NR3C1: variants seen among roughly 807,000 people sequenced by gnomAD.
NR3C1 encodes nuclear receptor subfamily 3 group C member 1, also known as glucocorticoid receptor.
Under a neutral mutation model 74.0 loss-of-function variants are expected in NR3C1, and 14 were observed. That is an observed-to-expected ratio of 0.19 (90% CI 0.12 to 0.30). NR3C1 has a LOEUF of 0.30. NR3C1 is among the 10% of genes least tolerant of loss of function. The probability of loss-of-function intolerance (pLI) is 1.00; values close to 1 mark genes in which losing one functional copy is unlikely to be tolerated. For missense variants in NR3C1, 695 were observed against 909.8 expected (o/e 0.76, Z 3.04); for synonymous variants, 308 against 332.5 (o/e 0.93, Z 0.80).
intron 2 of NR3C1, among the ~76,000 whole-genome samples, chr5:143,393,850 T>C (rs1262534293): frequency 6.6e-6 from 1 of 152,068 alleles, no homozygotes; most frequent in Non-Finnish European, 1.5e-5. Context: ...AGTTATGAAA[T>C]CAACTAGAAT....
chr5:143,356,316 T>C (rs1600224794), intron 2 of NR3C1, among the ~76,000 whole-genome samples: 1 of 152,130 alleles, frequency 6.6e-6, no homozygotes, highest in African/African-American at 2.4e-5. Flanking sequence ...AAATAACCAA[T>C]TTTTAGCATA....
chr5:143,377,159 C>A (rs1835355902), intron 2 of NR3C1, among the ~76,000 whole-genome samples: 1 of 152,178 alleles, frequency 6.6e-6, no homozygotes. Context: ...TGTAACCTTT[C>A]CCTAATGAAG....
chr5:143,328,977 C>T (rs1825276391), intron 2 of NR3C1, among the ~76,000 whole-genome samples: 1 of 152,196 alleles, frequency 6.6e-6, no homozygotes, highest in South Asian at 2.1e-4. Flanking sequence ...CTGCCTGTTA[C>T]CCAGTTCCAA....
Position 143,300,500 on chromosome 5 carries a change from C to T in NR3C1, c.1732G>A (p.Ala578Thr). The change falls in exon 5 of 9, where the codon GCA becomes ACA. Residue 578 changes from alanine to threonine, a missense_variant. Physicochemically the swap from Ala to Thr is moderately conservative, Grantham distance 58. Around this residue, in one of 4 missense-constraint regions of NR3C1, gnomAD observed 133 missense variants for 287.9 expected, o/e 0.46. Coordinates refer to ENST00000394464, the MANE Select transcript of NR3C1 (RefSeq NM_000176.3). The surrounding 1 kb of genome is among the most constrained non-coding windows in gnomAD (Gnocchi z 5.2). ...TGCATCTTACCTGGTATTGCCTTTG[C>T]CCATTTCACTGCTGCAATCACTTGC... ...GRQVIAAVKW[A>T]KAIPGFRNLH... 6.2e-7 allele frequency: 1 copy of T among 1,614,142 alleles called. No homozygotes were observed. Among genetic ancestry groups the T allele is most frequent in the Non-Finnish European group, 8.5e-7 (1 of 1,179,982 alleles).
chr5:143,359,556 T>C (rs2151815938), intron 2 of NR3C1, among the ~76,000 whole-genome samples: 1 of 152,348 alleles, frequency 6.6e-6, no homozygotes, highest in South Asian at 2.1e-4. Flanking sequence ...AGCCATATGG[T>C]ATAGCGTCAA....
intron 2 of NR3C1, among the ~76,000 whole-genome samples, chr5:143,360,258 A>T (rs1000820136): frequency 6.6e-6 from 1 of 152,178 alleles, no homozygotes; most frequent in Non-Finnish European, 1.5e-5. Context: ...CATGAGTTCC[A>T]CTCTACTAAT....
At chr5:143,342,999 A>G (rs1391674505) in intron 2 of NR3C1, among the ~76,000 whole-genome samples, 1 of 152,232 alleles carries the variant, frequency 6.6e-6, no homozygotes, top group African/African-American at 2.4e-5. Context: ...ACCCAAAGAC[A>G]ACAGAAGATG....
chr5:143,411,031 C>G (rs1374182188), intron 1 of NR3C1, among the ~76,000 whole-genome samples: 1 of 152,116 alleles, frequency 6.6e-6, no homozygotes, highest in Admixed American at 6.5e-5. Flanking sequence ...ATGCTGAAGA[C>G]TTTACTGCCT....
chr5:143,335,983 C>T (rs961765143), intron 2 of NR3C1, among the ~76,000 whole-genome samples: 1 of 152,192 alleles, frequency 6.6e-6, no homozygotes, highest in Non-Finnish European at 1.5e-5. Flanking sequence ...CCCATATTCG[C>T]TTCTAACAGA....
intron 2 of NR3C1, among the ~76,000 whole-genome samples, chr5:143,343,812 T>G (rs1828696465): frequency 6.6e-6 from 1 of 152,238 alleles, no homozygotes; most frequent in Non-Finnish European, 1.5e-5. Flanking sequence ...GATTTAGTTG[T>G]GGCACTGGGC....
chr5:143,426,271 G>A (rs1287971505), intron 1 of NR3C1, among the ~76,000 whole-genome samples: 3 of 152,184 alleles, frequency 2.0e-5, no homozygotes, highest in Non-Finnish European at 2.9e-5. Flanking sequence ...TTTATTGTTG[G>A]TGTGATGGAT....
upstream of NR3C1, among the ~76,000 whole-genome samples, chr5:143,407,899 A>G (rs976294749): frequency 6.6e-6 from 1 of 152,208 alleles, no homozygotes; most frequent in Non-Finnish European, 1.5e-5. Flanking sequence ...AACTCCCAGT[A>G]TGGTATTTAA....
At chr5:143,306,981 C>G (rs1327561980) in intron 4 of NR3C1, among the ~76,000 whole-genome samples, 2 of 142,384 alleles carry the variant, frequency 1.4e-5, no homozygotes, top group African/African-American at 5.2e-5. Flanking sequence ...ACTGCAAGCT[C>G]CAACTCCTGG....
chr5:143,396,404 C>G, intron 2 of NR3C1, among the ~76,000 whole-genome samples: 1 of 151,656 alleles, frequency 6.6e-6, no homozygotes, highest in African/African-American at 2.4e-5. Flanking sequence ...CTGAAACACC[C>G]ATTGCCAGAA....
At chr5:143,365,666 C>G (rs144444670) in intron 2 of NR3C1, among the ~76,000 whole-genome samples, 2 of 152,156 alleles carry the variant, frequency 1.3e-5, no homozygotes, top group African/African-American at 4.8e-5. Flanking sequence ...TACCAACACA[C>G]CTGTCAAACA....
At chr5:143,283,287 G>A (rs951090235) in intron 7 of NR3C1, among the ~76,000 whole-genome samples, 2 of 152,146 alleles carry the variant, frequency 1.3e-5, no homozygotes, top group South Asian at 2.1e-4. Flanking sequence ...TTAAACTACA[G>A]CCAAGAGAAA....
At chr5:143,339,367 G>C in intron 2 of NR3C1, among the ~76,000 whole-genome samples, 1 of 152,028 alleles carries the variant, frequency 6.6e-6, no homozygotes, top group Admixed American at 6.5e-5. Context: ...CTCCTAAGCT[G>C]GTTCTCTAAT....
At chr5:143,317,135 G>C (rs776358832) in intron 2 of NR3C1, among the ~76,000 whole-genome samples, 1 of 152,110 alleles carries the variant, frequency 6.6e-6, no homozygotes, top group African/African-American at 2.4e-5. Context: ...GGAGGAGTAA[G>C]ATAGCCTATA....
intron 1 of NR3C1, among the ~76,000 whole-genome samples, chr5:143,417,661 C>G (rs898015739): frequency 2.0e-5 from 3 of 152,204 alleles, no homozygotes; most frequent in African/African-American, 7.2e-5. Context: ...TGAGATAGCC[C>G]TGTAGGCACA....
Sources: gnomAD v4.1 joint callset for allele counts (sites outside exome capture counted in the v4.1 genomes callset) on GRCh38, gnomAD v4.1.1 for gene constraint, gnomAD v4.1.1 regional missense constraint, Gnocchi (gnomAD v3.1) non-coding constraint, MANE v1.5 for transcripts, NCBI Gene and HGNC (gene_info 2026-07-23, HGNC 2026-07-21) for gene names.